The following ZNF521 variants were observed in gnomAD, a reference collection of about 807,000 sequenced individuals.
The protein encoded by ZNF521 is LYST-interacting protein 3.
Under a neutral mutation model 105.5 loss-of-function variants are expected in ZNF521, and 14 were observed. That is an observed-to-expected ratio of 0.13 (90% confidence interval 0.09 to 0.21). The LOEUF is 0.21. Ranked by LOEUF, ZNF521 falls within the 10% of genes least tolerant of loss-of-function variation. The pLI is 1.00. For missense variants in ZNF521, 1,233 were observed against 1,629.7 expected (o/e 0.76, Z 4.19); for synonymous variants, 635 against 606.0 (o/e 1.05, Z -0.70).
intron 2 of ZNF521, among the ~76,000 whole-genome samples, chr18:25,338,259 T>TGTGTGTGTGTGTGTGTG (rs769552251): frequency 2.2e-5 from 3 of 136,510 alleles, no homozygotes; most frequent in African/African-American, 8.2e-5. Context: ...TCATAGACTT[T>TGTGTGTGTGTGTGTGTG]TGTGTGTGTG....
intron 5 of ZNF521, among the ~76,000 whole-genome samples, chr18:25,121,976 C>A (rs2034452497): frequency 6.6e-6 from 1 of 151,740 alleles, no homozygotes; most frequent in South Asian, 2.1e-4. Context: ...TAGGGCAAAG[C>A]AAAAAATCAA....
chr18:25,090,307 T>C (rs2033716124), intron 6 of ZNF521, among the ~76,000 whole-genome samples: 1 of 152,200 alleles, frequency 6.6e-6, no homozygotes, highest in African/African-American at 2.4e-5. Context: ...AAAGTTTGCA[T>C]CTACAATATT....
chr18:25,066,759 T>C (rs1432422684), intron 7 of ZNF521, among the ~76,000 whole-genome samples: 2 of 152,298 alleles, frequency 1.3e-5, no homozygotes, highest in South Asian at 2.1e-4. Flanking sequence ...CAAATGCATA[T>C]GAGCAGAAAG....
intron 4 of ZNF521, among the ~76,000 whole-genome samples, chr18:25,207,699 CATG>C (rs1028298887): frequency 3.9e-5 from 6 of 152,154 alleles, no homozygotes; most frequent in Non-Finnish European, 8.8e-5. Context: ...TTCAGAATAT[CATG>C]ATGGAGGGAA....
intron 3 of ZNF521, among the ~76,000 whole-genome samples, chr18:25,284,872 G>A (rs773325459): frequency 1.6e-4 from 24 of 151,508 alleles, no homozygotes; most frequent in Non-Finnish European, 3.1e-4. Flanking sequence ...GGTTTCTAGT[G>A]AGAGAGACTA....
intron 2 of ZNF521, among the ~76,000 whole-genome samples, chr18:25,323,964 G>A (rs1482606520): frequency 6.6e-6 from 1 of 151,660 alleles, no homozygotes; most frequent in African/African-American, 2.4e-5. Flanking sequence ...AGAGCACGTA[G>A]TTTTGTTTGT....
At chr18:25,277,095 A>G (rs1478715923) in intron 3 of ZNF521, among the ~76,000 whole-genome samples, 1 of 151,926 alleles carries the variant, frequency 6.6e-6, no homozygotes, top group Non-Finnish European at 1.5e-5. Context: ...AGGCAGGACA[A>G]TCGCTTGAAC....
intron 5 of ZNF521, among the ~76,000 whole-genome samples, chr18:25,188,186 G>A (rs1264036704): frequency 6.6e-6 from 1 of 152,128 alleles, no homozygotes; most frequent in East Asian, 1.9e-4. Flanking sequence ...GGCCTACCGG[G>A]CCACAGGCGC....
intron 5 of ZNF521, among the ~76,000 whole-genome samples, chr18:25,129,127 GA>G (rs1359932071): frequency 6.6e-6 from 1 of 151,726 alleles, no homozygotes; most frequent in Non-Finnish European, 1.5e-5. Context: ...GCAGAATAGA[GA>G]GCCCCGAATT....
intron 3 of ZNF521, among the ~76,000 whole-genome samples, chr18:25,257,754 T>C (rs182128868): frequency 1.1e-4 from 17 of 152,188 alleles, no homozygotes; most frequent in African/African-American, 3.9e-4. Context: ...TCAAATTCCT[T>C]ATATCTCAGC....
intron 3 of ZNF521, among the ~76,000 whole-genome samples, chr18:25,260,095 G>C (rs1908804339): frequency 6.6e-6 from 1 of 152,196 alleles, no homozygotes; most frequent in Non-Finnish European, 1.5e-5. Flanking sequence ...GAAACACTGA[G>C]AGCTTTTGAG....
chr18:25,278,090 ATACT>A (rs1387912253), intron 3 of ZNF521, among the ~76,000 whole-genome samples: 1 of 152,222 alleles, frequency 6.6e-6, no homozygotes. Context: ...CAATAATGCA[ATACT>A]TAGAGAAAAT....
At chr18:25,214,441 T>C (rs78413753) in intron 4 of ZNF521, among the ~76,000 whole-genome samples, 4,439 of 152,192 alleles carry the variant, frequency 0.029, 211 homozygotes, top group African/African-American at 0.1. Context: ...TTGGCCTCCT[T>C]GTTGTTCATT....
intron 3 of ZNF521, among the ~76,000 whole-genome samples, chr18:25,286,325 G>A (rs779430126): frequency 1.1e-4 from 17 of 152,264 alleles, no homozygotes; most frequent in East Asian, 1.9e-4. Context: ...AGCTCTCCCC[G>A]ACAAGTACAA....
At chr18:25,212,182 C>T (rs1299261928) in intron 4 of ZNF521, among the ~76,000 whole-genome samples, 1 of 151,934 alleles carries the variant, frequency 6.6e-6, no homozygotes, top group Non-Finnish European at 1.5e-5. Context: ...GTTTTGGAAA[C>T]TGCTTATCAA....
intron 7 of ZNF521, among the ~76,000 whole-genome samples, chr18:25,083,527 C>G (rs1237743753): frequency 6.6e-6 from 1 of 152,116 alleles, no homozygotes; most frequent in African/African-American, 2.4e-5. Context: ...CCATCCAAAC[C>G]AGCAGGGGTG....
intron 3 of ZNF521, among the ~76,000 whole-genome samples, chr18:25,246,249 A>G (rs1316492405): frequency 6.6e-6 from 1 of 152,196 alleles, no homozygotes; most frequent in South Asian, 2.1e-4. Flanking sequence ...AGTAAAAAAA[A>G]AGAAAGTCTT....
chr18:25,122,679 T>C (rs1190692381), intron 5 of ZNF521, among the ~76,000 whole-genome samples: 1 of 152,192 alleles, frequency 6.6e-6, no homozygotes, highest in Non-Finnish European at 1.5e-5. Flanking sequence ...TTAAGAAATT[T>C]AATGTCTCAC....
rs545231580 is a variant in ZNF521, at chr18:25,117,656, G to T, written c.3659-25575C>A. On this transcript the variant is annotated intron_variant, in intron 5 of 7. Transcript: ENST00000361524. ...TTTGAAATAAAATAATCCCTGTATG[G>T]GCTTAACACCTTAATGAATATGATA... is the stretch of plus-strand genomic sequence containing the variant. Among the ~76,000 whole-genome samples, 4 of 151,932 alleles carry T rather than the reference G, an allele frequency of 2.6e-5. 1 individual carries two copies. In the East Asian group the frequency reaches 5.8e-4, roughly 22 times the overall value.
Sources: allele counts gnomAD v4.1 joint callset (sites outside exome capture counted in the v4.1 genomes callset), GRCh38; gene constraint gnomAD v4.1.1; transcripts MANE v1.5; gene names NCBI Gene and HGNC (gene_info 2026-07-23, HGNC 2026-07-21).